SPECC1L: variants seen among roughly 807,000 people sequenced by gnomAD.
SPECC1L encodes sperm antigen with calponin homology and coiled-coil domains 1 like.
SPECC1L carries 40 observed loss-of-function variants against 116.8 expected under a neutral mutation model. That is an observed-to-expected ratio of 0.34 (90% CI 0.27 to 0.45). The LOEUF is 0.45. SPECC1L is among the 20% of genes least tolerant of loss of function. The probability of loss-of-function intolerance (pLI) is 1.00; values close to 1 mark genes in which losing one functional copy is unlikely to be tolerated. For missense variants in SPECC1L, 1,110 were observed against 1,373.6 expected, an observed-to-expected ratio of 0.81 and a Z score of 3.03; for synonymous variants, 504 against 500.6, an observed-to-expected ratio of 1.01 and a Z score of -0.09.
chr22:24,394,779 T>C (rs1233453581), intron 14 of SPECC1L, among the ~76,000 whole-genome samples: 2 of 152,232 alleles, frequency 1.3e-5, no homozygotes, highest in Non-Finnish European at 2.9e-5. Flanking sequence ...CTAATGGTGT[T>C]AAGCATCTTT....
At chr22:24,279,000 A>C (rs1466142951) in intron 2 of SPECC1L, among the ~76,000 whole-genome samples, 1 of 152,222 alleles carries the variant, frequency 6.6e-6, no homozygotes, top group Non-Finnish European at 1.5e-5. Flanking sequence ...GACACTCTTC[A>C]CAAAAGGATG....
chr22:24,313,526 A>G, intron 4 of SPECC1L, 60 bp downstream of exon 4: 1 of 1,578,644 alleles, frequency 6.3e-7, no homozygotes, highest in East Asian at 2.2e-5. Context: ...GGCATGATGC[A>G]TTGGTGTTTA....
intron 10 of SPECC1L, 81 bp downstream of exon 10, chr22:24,338,558 T>C: frequency 8.1e-7 from 1 of 1,238,780 alleles, no homozygotes; most frequent in Admixed American, 1.7e-5. Flanking sequence ...CATTTACACC[T>C]GTATTAGTTG....
At chr22:24,290,564 C>T (rs1352172844) in intron 2 of SPECC1L, among the ~76,000 whole-genome samples, 1 of 152,240 alleles carries the variant, frequency 6.6e-6, no homozygotes, top group African/African-American at 2.4e-5. Flanking sequence ...TACTGGACTT[C>T]TGTCTGGATT....
chr22:24,390,958 C>T (rs2042261823), intron 14 of SPECC1L, among the ~76,000 whole-genome samples: 1 of 142,790 alleles, frequency 7.0e-6, no homozygotes. Flanking sequence ...TCACTGCAAC[C>T]TCTGCCTCCT....
At chr22:24,314,487 C>T (rs2040522213) in intron 4 of SPECC1L, among the ~76,000 whole-genome samples, 1 of 151,996 alleles carries the variant, frequency 6.6e-6, no homozygotes, top group Non-Finnish European at 1.5e-5. Context: ...GTTTTATTTA[C>T]TGTCTATTTT....
chr22:24,395,135 C>T (rs2042342923), intron 14 of SPECC1L, among the ~76,000 whole-genome samples: 1 of 152,150 alleles, frequency 6.6e-6, no homozygotes, highest in African/African-American at 2.4e-5. Flanking sequence ...GCCAGAAATT[C>T]TTAATTTTAA....
chr22:24,345,786 T>G (rs2041279370), intron 10 of SPECC1L, among the ~76,000 whole-genome samples: 1 of 152,192 alleles, frequency 6.6e-6, no homozygotes, highest in South Asian at 2.1e-4. Flanking sequence ...GTGGAGAAGC[T>G]GGACCTTGTC....
intron 1 of SPECC1L, among the ~76,000 whole-genome samples, chr22:24,272,459 G>C (rs1331718611): frequency 1.3e-5 from 2 of 151,918 alleles, no homozygotes; most frequent in Non-Finnish European, 2.9e-5. Flanking sequence ...GATCACCTGA[G>C]GTTAGGAGTT....
At chr22:24,307,809 G>A (rs1475312209) in intron 3 of SPECC1L, among the ~76,000 whole-genome samples, 3 of 150,892 alleles carry the variant, frequency 2.0e-5, no homozygotes, top group African/African-American at 7.3e-5. Flanking sequence ...AAAGCCTTGG[G>A]ATTACAGGTG....
At chr22:24,297,738 CATG>C (rs1188145038) in intron 2 of SPECC1L, among the ~76,000 whole-genome samples, 1 of 152,156 alleles carries the variant, frequency 6.6e-6, no homozygotes, top group African/African-American at 2.4e-5. Context: ...TTCTGAATGA[CATG>C]ATGAAATCTT....
intron 1 of SPECC1L, among the ~76,000 whole-genome samples, chr22:24,275,446 A>G (rs558652160): frequency 6.6e-6 from 1 of 152,000 alleles, no homozygotes; most frequent in South Asian, 2.1e-4. Flanking sequence ...CTAATGTCTT[A>G]TTTTGGCACC....
chr22:24,331,563 A>C (rs1406940661), intron 8 of SPECC1L, among the ~76,000 whole-genome samples: 1 of 152,210 alleles, frequency 6.6e-6, no homozygotes, highest in African/African-American at 2.4e-5. Flanking sequence ...TTTGAGACAC[A>C]TGTTTTTAAA....
intron 14 of SPECC1L, among the ~76,000 whole-genome samples, chr22:24,402,249 C>T (rs1229366619): frequency 6.6e-6 from 1 of 151,796 alleles, no homozygotes; most frequent in African/African-American, 2.4e-5. Flanking sequence ...ACCCTTAGAT[C>T]AGCAGCTAGA....
intron 2 of SPECC1L, among the ~76,000 whole-genome samples, chr22:24,281,076 C>G (rs2048933903): frequency 6.6e-6 from 1 of 152,122 alleles, no homozygotes; most frequent in South Asian, 2.1e-4. Flanking sequence ...GGGAGTTAGA[C>G]TTAAGGTAGT....
At chr22:24,284,346 A>T (rs1277708072) in intron 2 of SPECC1L, among the ~76,000 whole-genome samples, 2 of 152,178 alleles carry the variant, frequency 1.3e-5, no homozygotes. Flanking sequence ...TCATAGACGT[A>T]GAAGTATGTG....
intron 7 of SPECC1L, among the ~76,000 whole-genome samples, chr22:24,329,246 G>A (rs2040890313): frequency 6.6e-6 from 1 of 152,152 alleles, no homozygotes; most frequent in South Asian, 2.1e-4. Context: ...TTCAGATTTG[G>A]GATGCTTAGC....
chr22:24,370,123 T>C (rs923765901), intron 14 of SPECC1L, among the ~76,000 whole-genome samples: 9 of 152,214 alleles, frequency 5.9e-5, no homozygotes, highest in Non-Finnish European at 1.3e-4. Context: ...GGCTACAACA[T>C]TTGCATACAA....
At chr22:24,355,281 C>CAAAAAAAA in intron 11 of SPECC1L, among the ~76,000 whole-genome samples, 1 of 56,026 alleles carries the variant, frequency 1.8e-5, no homozygotes, top group Non-Finnish European at 3.5e-5. Flanking sequence ...GACTCCATCT[C>CAAAAAAAA]AAAAAAAAAA....
Sources: allele counts gnomAD v4.1 joint callset (sites outside exome capture counted in the v4.1 genomes callset), GRCh38; gene constraint gnomAD v4.1.1; transcripts MANE v1.5; gene names NCBI Gene and HGNC (gene_info 2026-07-23, HGNC 2026-07-21).